Variants in KSR1 observed in about 807,000 individuals in gnomAD.
The protein encoded by KSR1 is kinase suppressor of ras 1.
Under a neutral mutation model 92.9 loss-of-function variants are expected in KSR1, and 35 were observed. The observed-to-expected ratio is 0.38, with a 90% confidence interval of 0.29 to 0.50. The LOEUF (loss-of-function observed/expected upper bound fraction) is 0.50. Among genes scored for constraint, KSR1 ranks in the 20% least tolerant of loss-of-function variants. KSR1 has a pLI of 0.94. For synonymous variants in KSR1, 467 were observed against 472.6 expected, an observed-to-expected ratio of 0.99 and a Z score of 0.15; for missense variants, 972 against 1,158.5, an observed-to-expected ratio of 0.84 and a Z score of 2.34.
intron 2 of KSR1, among the ~76,000 whole-genome samples, chr17:27,556,725 G>A (rs1449356233): frequency 6.6e-6 from 1 of 152,200 alleles, no homozygotes; most frequent in Non-Finnish European, 1.5e-5. Flanking sequence ...AGGGAACAGG[G>A]TCCCTGGGTG....
At chr17:27,491,130 A>AT (rs2068810740) in intron 1 of KSR1, among the ~76,000 whole-genome samples, 1 of 151,938 alleles carries the variant, frequency 6.6e-6, no homozygotes, top group Non-Finnish European at 1.5e-5. Context: ...TTTTATGTTT[A>AT]TTTTTTTAGA....
At chr17:27,526,464 A>C in intron 1 of KSR1, 1 of 1,589,944 alleles carries the variant, frequency 6.3e-7, no homozygotes, top group Non-Finnish European at 8.6e-7. Context: ...TTTTTTCCCA[A>C]TACATCTTCT....
chr17:27,598,321 C>G lies in KSR1; in HGVS notation c.1468+885C>G, dbSNP rs112596278. 5.1e-3 allele frequency among the ~76,000 whole-genome samples: 772 copies of G among 152,310 alleles called. 7 individuals are homozygous for G. The highest frequency in any genetic ancestry group is 0.017 in the African/African-American group (705 of 41,576). On this transcript the variant is annotated intron_variant, in intron 10 of 20. Coordinates refer to ENST00000644974, the MANE Select transcript of KSR1 (RefSeq NM_001394583.1). ...TCCAGCCCATAGAGTCCAGGTCAGGCCCCTGTCTCTGGCCTCTGGAGCTCC... is the reference window on the plus strand; with the variant it reads ...TCCAGCCCATAGAGTCCAGGTCAGGGCCCTGTCTCTGGCCTCTGGAGCTCC...
chr17:27,592,481 C>G, intron 8 of KSR1, 39 bp from the exon 9 acceptor site: 1 of 1,613,182 alleles, frequency 6.2e-7, no homozygotes, highest in Non-Finnish European at 8.5e-7. Flanking sequence ...TTTAGCTTGA[C>G]CTGTTCCCTG....
chr17:27,614,842 T>C (rs964682584), intron 18 of KSR1, among the ~76,000 whole-genome samples: 2 of 152,274 alleles, frequency 1.3e-5, no homozygotes, highest in African/African-American at 4.8e-5. Context: ...TCCCTTTCTT[T>C]TGTCCAGTCT....
chr17:27,504,396 G>A (rs1003509270), intron 1 of KSR1, among the ~76,000 whole-genome samples: 6 of 152,154 alleles, frequency 3.9e-5, no homozygotes, highest in African/African-American at 7.2e-5. Context: ...GCACAGTCAC[G>A]TTTGTTGAGT....
intron 1 of KSR1, among the ~76,000 whole-genome samples, chr17:27,514,601 A>G (rs1049779385): frequency 1.3e-5 from 2 of 151,846 alleles, no homozygotes; most frequent in African/African-American, 4.8e-5. Context: ...CAGAGGTTGC[A>G]GTGAGGTGAG....
intron 5 of KSR1, among the ~76,000 whole-genome samples, chr17:27,586,741 C>T (rs975933168): frequency 6.6e-6 from 1 of 152,216 alleles, no homozygotes; most frequent in African/African-American, 2.4e-5. Context: ...TTGGCACATA[C>T]ACCACCTCAC....
chr17:27,592,484 G>C, intron 8 of KSR1, 36 bp from the exon 9 acceptor site: 2 of 1,613,140 alleles, frequency 1.2e-6, no homozygotes, highest in Non-Finnish European at 1.7e-6. Context: ...AGCTTGACCT[G>C]TTCCCTGGTG....
In KSR1 at chr17:27,599,108, G is replaced by A. The variant is rs375976173; in HGVS notation, c.1468+1672G>A. ...ACCCAGATGGTATAGTCCTCCACAC[G>A]CCTCGGCTGTGTGGTGTAGCCTGTT... On this transcript the variant is annotated intron_variant, in intron 10 of 20. Coordinates refer to ENST00000644974, the MANE Select transcript of KSR1 (RefSeq NM_001394583.1). Among the ~76,000 whole-genome samples the A allele has an allele frequency of 4.3e-4, 66 of 152,324 alleles. 2 individuals carry two copies. In the East Asian group the frequency reaches 7.7e-3, roughly 18 times the overall value.
At chr17:27,603,249 C>G (rs1016892333) in intron 11 of KSR1, among the ~76,000 whole-genome samples, 14 of 152,260 alleles carry the variant, frequency 9.2e-5, no homozygotes, top group African/African-American at 3.4e-4. Flanking sequence ...GTTTCTTCCT[C>G]TCCCCTGAGA....
At chr17:27,521,852 G>T (rs1016683149) in intron 1 of KSR1, among the ~76,000 whole-genome samples, 3 of 152,216 alleles carry the variant, frequency 2.0e-5, no homozygotes, top group African/African-American at 7.2e-5. Flanking sequence ...GGAAAGGCAG[G>T]CAGTTGGAAT....
chr17:27,603,857 G>A lies in KSR1; in HGVS notation c.1534G>A (p.Ala512Thr), dbSNP rs759668239. The A allele has an allele frequency of 2.2e-5, 36 of 1,613,990 alleles. No individual in the cohort carries two copies. The highest frequency in any genetic ancestry group is 2.9e-5 in the Non-Finnish European group (34 of 1,179,868). The change falls in exon 12 of 21, where the codon GCC (alanine) becomes ACC (threonine). Residue 512 changes from alanine (A) to threonine (T), a missense_variant. Ala to Thr is a moderately conservative substitution (Grantham distance 58). Transcript: ENST00000644974. ...AGACATTTCAGCCTTTGCACACGCAGCCCCGCTCCCTGAAGCTGCCGACGG... is the reference window on the plus strand; with the variant it reads ...AGACATTTCAGCCTTTGCACACGCAACCCCGCTCCCTGAAGCTGCCGACGG... ...FPDISAFAHAAPLPEAADGTR... is the reference protein window; with the variant it reads ...FPDISAFAHATPLPEAADGTR...
intron 1 of KSR1, among the ~76,000 whole-genome samples, chr17:27,508,523 C>G (rs187284212): frequency 6.6e-6 from 1 of 152,182 alleles, no homozygotes; most frequent in Admixed American, 6.5e-5. Flanking sequence ...CAAGATCATG[C>G]TCTTTGCCCC....
intron 1 of KSR1, among the ~76,000 whole-genome samples, chr17:27,494,595 C>T (rs2068923475): frequency 6.6e-6 from 1 of 152,120 alleles, no homozygotes; most frequent in Admixed American, 6.5e-5. Context: ...AATAGAGGGA[C>T]CGATATTAGG....
chr17:27,553,858 C>T (rs1219390712), intron 2 of KSR1, among the ~76,000 whole-genome samples: 1 of 152,204 alleles, frequency 6.6e-6, no homozygotes, highest in African/African-American at 2.4e-5. Context: ...GAGAGTTTCT[C>T]CTTGTACATG....
At chr17:27,592,020 A>G (rs1160829484) in intron 7 of KSR1, among the ~76,000 whole-genome samples, 5 of 151,966 alleles carry the variant, frequency 3.3e-5, no homozygotes, top group Admixed American at 1.3e-4. Flanking sequence ...GTAAGTTCAG[A>G]TTTGTCTTGA....
chr17:27,508,124 C>G (rs2069461822), intron 1 of KSR1, among the ~76,000 whole-genome samples: 1 of 152,114 alleles, frequency 6.6e-6, no homozygotes, highest in African/African-American at 2.4e-5. Flanking sequence ...TGGCAGCCAC[C>G]CTGCTAATAC....
Position 27,625,387 on chromosome 17 carries a change from C to T in KSR1, c.*1995C>T, listed in dbSNP as rs1199339955. ...TGAGCATCACAGTTAAAGAAGCGCT[C>T]ATTGAGCAACTACAGTGCACTTGGT... On this transcript the variant is annotated 3_prime_UTR_variant, in exon 21 of 21. Transcript: ENST00000644974. 2.6e-5 allele frequency: 4 copies of T among 152,294 alleles called. No homozygotes were observed. Among genetic ancestry groups the T allele is most frequent in the Non-Finnish European group, 5.9e-5 (4 of 68,072 alleles). 9.4% of individuals were successfully genotyped at this position (152,294 alleles called of 1,614,324 possible).
Sources: allele counts gnomAD v4.1 joint callset (sites outside exome capture counted in the v4.1 genomes callset), GRCh38; gene constraint gnomAD v4.1.1; transcripts MANE v1.5; gene names NCBI Gene and HGNC (gene_info 2026-07-23, HGNC 2026-07-21).